The following SLC23A2 variants were observed in gnomAD, a reference collection of about 807,000 sequenced individuals.
SLC23A2 encodes the protein Na(+)/L-ascorbic acid transporter 2.
SLC23A2 carries 36 observed loss-of-function variants against 73.3 expected under a neutral mutation model. The ratio of observed to expected loss-of-function variants is 0.49; its 90% CI spans 0.38 to 0.65. The LOEUF (loss-of-function observed/expected upper bound fraction) is 0.65, where lower values mean the gene tolerates loss of function less well. Ranked by LOEUF, SLC23A2 falls within the 30% of genes least tolerant of loss-of-function variation. SLC23A2 has a pLI of 0.00. For missense variants in SLC23A2, 507 were observed against 841.6 expected (o/e 0.60, Z 4.92); for synonymous variants, 343 against 327.3 (o/e 1.05, Z -0.52).
At chr20:4,864,192 TGAG>T (rs1226572626) in intron 13 of SLC23A2, among the ~76,000 whole-genome samples, 4 of 152,188 alleles carry the variant, frequency 2.6e-5, no homozygotes, top group African/African-American at 9.7e-5. Flanking sequence ...ATGACCCCAG[TGAG>T]GAGAAGAGGG....
intron 2 of SLC23A2, among the ~76,000 whole-genome samples, chr20:4,950,436 T>G (rs985905342): frequency 6.6e-6 from 1 of 152,178 alleles, no homozygotes; most frequent in Admixed American, 6.5e-5. Context: ...ACTGTCACAT[T>G]GGAGAGCTGA....
intron 1 of SLC23A2, among the ~76,000 whole-genome samples, chr20:4,990,211 T>C (rs1001023259): frequency 3.9e-5 from 6 of 152,116 alleles, no homozygotes; most frequent in Admixed American, 3.9e-4. Context: ...CTACCCTGAC[T>C]AATACAGGTT....
chr20:4,916,212 G>A (rs1223019402), intron 3 of SLC23A2, among the ~76,000 whole-genome samples: 2 of 152,174 alleles, frequency 1.3e-5, no homozygotes, highest in African/African-American at 4.8e-5. Context: ...CTTACAGAGA[G>A]AACTGTGCTC....
At chr20:4,882,590 G>A (rs1002924235) in intron 9 of SLC23A2, among the ~76,000 whole-genome samples, 45 of 152,016 alleles carry the variant, frequency 3.0e-4, no homozygotes, top group African/African-American at 6.8e-4. Context: ...TGATGGGTTC[G>A]GGCCCATGTC....
chr20:4,892,436 C>T (rs1931366459), intron 6 of SLC23A2, among the ~76,000 whole-genome samples: 1 of 151,592 alleles, frequency 6.6e-6, no homozygotes, highest in Non-Finnish European at 1.5e-5. Context: ...ATCCGCCCGC[C>T]TCAGCCTCCC....
At chr20:4,989,036 C>T (rs1034239280) in intron 1 of SLC23A2, among the ~76,000 whole-genome samples, 3 of 151,114 alleles carry the variant, frequency 2.0e-5, no homozygotes, top group Admixed American at 6.6e-5. Flanking sequence ...GGAGGGAGTT[C>T]GAGACCAGCC....
chr20:4,960,190 A>G (rs892178145), intron 2 of SLC23A2, among the ~76,000 whole-genome samples: 3 of 151,832 alleles, frequency 2.0e-5, no homozygotes, highest in Non-Finnish European at 4.4e-5. Flanking sequence ...CACATGGCCT[A>G]TCTCTATTAA....
Position 4,854,316 on chromosome 20 carries a change from T to C in SLC23A2, c.*2656A>G, listed in dbSNP as rs1465690427. The C allele has an allele frequency of 1.3e-5, 2 of 152,188 alleles. No homozygotes were observed. The highest frequency in any genetic ancestry group is 4.8e-5 in the African/African-American group (2 of 41,440). The allele number at this position is 152,188 out of a possible 1,614,324, so 9.4% of individuals were successfully genotyped here. A position where few individuals can be genotyped will look rare whatever the true frequency, so the allele number is the denominator to read the frequency against. ...TGCTTAAACCCAAGAAGCAGATGAATACATTCTTTTTCTTTCAATTACAAA... is the reference window on the plus strand; with the variant it reads ...TGCTTAAACCCAAGAAGCAGATGAACACATTCTTTTTCTTTCAATTACAAA... On this transcript the variant is annotated 3_prime_UTR_variant, in exon 17 of 17. Coordinates refer to ENST00000338244, the MANE Select transcript of SLC23A2 (RefSeq NM_005116.6).
chr20:4,874,687 G>T lies in SLC23A2; in HGVS notation c.834C>A (p.Phe278Leu), dbSNP rs199719711. 133 of 1,607,924 alleles carry T rather than the reference G, an allele frequency of 8.3e-5. No individual in the cohort carries two copies. Among genetic ancestry groups the T allele is most frequent in the Non-Finnish European group, 4.2e-6 (5 of 1,176,724 alleles). The change falls in exon 10 of 17, where the codon TTC becomes TTA. Residue 278 changes from phenylalanine to leucine, a missense_variant. Phe to Leu is a conservative substitution (Grantham distance 22). This residue lies in a region of SLC23A2 where 217 missense variants were observed against 398.0 expected (regional missense o/e 0.55). Transcript: ENST00000338244. The part of the protein sequence containing the change: ...KHWGIAMLTI[F>L]LVLLFSQYAR... ...CGTATTGAGAAAACAGTAATACTAG[G>T]AATATTGTCCTGAGGAGAGAAAGAA...
chr20:5,010,077 A>G (rs2088233578), intron 1 of SLC23A2: 1 of 149,582 alleles, frequency 6.7e-6, no homozygotes, highest in African/African-American at 2.5e-5. Context: ...CCTGGGCGAC[A>G]GAGTGAGACT....
intron 1 of SLC23A2, among the ~76,000 whole-genome samples, chr20:4,989,624 C>CTTA (rs368653833): frequency 0.35 from 52,513 of 151,550 alleles, 9,809 homozygotes; most frequent in Admixed American, 0.41. Flanking sequence ...TGCAGTGAGC[C>CTTA]ATGATCTTGC....
intron 1 of SLC23A2, among the ~76,000 whole-genome samples, chr20:5,007,661 C>G (rs1231307023): frequency 1.3e-5 from 2 of 152,146 alleles, no homozygotes; most frequent in African/African-American, 2.4e-5. Flanking sequence ...AACTCCATAT[C>G]TATTAGCAGT....
At chr20:4,928,150 C>T (rs1932732767) in intron 3 of SLC23A2, among the ~76,000 whole-genome samples, 1 of 152,154 alleles carries the variant, frequency 6.6e-6, no homozygotes, top group Non-Finnish European at 1.5e-5. Flanking sequence ...AAGAATCCTC[C>T]CATCTCAGTC....
intron 9 of SLC23A2, among the ~76,000 whole-genome samples, chr20:4,876,056 C>G (rs551997534): frequency 6.6e-6 from 1 of 152,114 alleles, no homozygotes; most frequent in African/African-American, 2.4e-5. Flanking sequence ...CTGCCAGTAC[C>G]AGTTCAAGGT....
upstream of SLC23A2, among the ~76,000 whole-genome samples, chr20:5,004,724 G>C (rs1332055675): frequency 6.6e-6 from 1 of 152,188 alleles, no homozygotes; most frequent in African/African-American, 2.4e-5. Context: ...TTTAGGCCGG[G>C]TGCGGTGGCT....
chr20:4,990,438 C>T (rs1049719518), intron 1 of SLC23A2, among the ~76,000 whole-genome samples: 13 of 151,996 alleles, frequency 8.6e-5, no homozygotes, highest in Admixed American at 7.9e-4. Context: ...GGCGCGATCT[C>T]GACTCACTGC....
At chr20:4,982,779 T>C (rs1207949147) in intron 1 of SLC23A2, among the ~76,000 whole-genome samples, 1 of 152,156 alleles carries the variant, frequency 6.6e-6, no homozygotes, top group Non-Finnish European at 1.5e-5. Context: ...GGTAGAGTCA[T>C]CCTTTAAACA....
chr20:4,999,009 T>A (rs2088071671), intron 1 of SLC23A2, among the ~76,000 whole-genome samples: 1 of 152,088 alleles, frequency 6.6e-6, no homozygotes, highest in Non-Finnish European at 1.5e-5. Flanking sequence ...TTCACCATGG[T>A]GGCCAGGCTG....
intron 11 of SLC23A2, among the ~76,000 whole-genome samples, chr20:4,871,853 A>G (rs1267751588): frequency 6.6e-6 from 1 of 152,144 alleles, no homozygotes; most frequent in East Asian, 1.9e-4. Context: ...TTTCTCAATT[A>G]TCTTTTATAC....
Sources: allele counts gnomAD v4.1 joint callset (sites outside exome capture counted in the v4.1 genomes callset), GRCh38; gene constraint gnomAD v4.1.1; regional missense constraint gnomAD v4.1.1; transcripts MANE v1.5; gene names NCBI Gene and HGNC (gene_info 2026-07-23, HGNC 2026-07-21).